MYO3B: variants seen among roughly 807,000 people sequenced by gnomAD.
MYO3B encodes myosin-IIIb.
In MYO3B, 156 loss-of-function variants were observed where a neutral mutation model predicts 174.6. The observed-to-expected ratio is 0.89, with a 90% confidence interval of 0.78 to 1.02. The LOEUF (loss-of-function observed/expected upper bound fraction) is 1.02, where lower values mean the gene tolerates loss of function less well. Among genes scored for constraint, MYO3B ranks in the 50% least tolerant of loss-of-function variants. The pLI, the probability that MYO3B is intolerant of heterozygous loss-of-function variation, is 0.00. For synonymous variants in MYO3B, 563 were observed against 569.1 expected (o/e 0.99, Z 0.15); for missense variants, 1,632 against 1,639.4 (o/e 1.00, Z 0.08).
Position 170,192,641 on chromosome 2 carries a change from A to T in MYO3B, c.3-6567A>T, listed in dbSNP as rs191864790. On this transcript the variant is annotated intron_variant, in intron 1 of 34. Coordinates refer to ENST00000408978, the MANE Select transcript of MYO3B (RefSeq NM_138995.5). ...TTTCTACCTTTTTGAATAGAATATTAAAAAAAATTTCTTTTTAATTATAAT... is the reference window on the plus strand; with the variant it reads ...TTTCTACCTTTTTGAATAGAATATTTAAAAAAATTTCTTTTTAATTATAAT... Among the ~76,000 whole-genome samples, 718 of 148,502 alleles carry T rather than the reference A, an allele frequency of 4.8e-3. 5 individuals carry two copies. The highest frequency in any genetic ancestry group is 0.016 in the African/African-American group (653 of 39,712).
At chr2:170,617,638 C>A (rs999097317) in intron 32 of MYO3B, among the ~76,000 whole-genome samples, 1 of 152,152 alleles carries the variant, frequency 6.6e-6, no homozygotes, top group Non-Finnish European at 1.5e-5. Context: ...GAACAATGAG[C>A]CTTGGCTTTG....
intron 32 of MYO3B, among the ~76,000 whole-genome samples, chr2:170,580,268 A>AT (rs1258875415): frequency 5.9e-5 from 9 of 152,070 alleles, no homozygotes; most frequent in Admixed American, 2.6e-4. Flanking sequence ...TAACAGTATG[A>AT]TTTTTTCTTA....
chr2:170,308,848 A>T (rs1296933387), intron 7 of MYO3B, among the ~76,000 whole-genome samples: 1 of 151,998 alleles, frequency 6.6e-6, no homozygotes, highest in African/African-American at 2.4e-5. Context: ...AGAAGGGGGG[A>T]CACAAATTCA....
chr2:170,593,193 A>G (rs1051448403), intron 32 of MYO3B, among the ~76,000 whole-genome samples: 4 of 151,960 alleles, frequency 2.6e-5, no homozygotes, highest in African/African-American at 9.7e-5. Flanking sequence ...AAATTCCTGA[A>G]CTCAAGCGAT....
intron 32 of MYO3B, among the ~76,000 whole-genome samples, chr2:170,648,620 C>G (rs1402152198): frequency 1.5e-5 from 1 of 65,568 alleles, no homozygotes; most frequent in Admixed American, 1.5e-4. Flanking sequence ...GAGACTCTGT[C>G]TCAAAAAATA....
chr2:170,374,790 C>T (rs970870295), intron 9 of MYO3B, among the ~76,000 whole-genome samples: 6 of 151,846 alleles, frequency 4.0e-5, no homozygotes, highest in Admixed American at 1.3e-4. Flanking sequence ...CACACACACA[C>T]ACACACACAC....
chr2:170,631,058 T>G (rs1168151671), intron 32 of MYO3B, among the ~76,000 whole-genome samples: 2 of 152,196 alleles, frequency 1.3e-5, no homozygotes, highest in Non-Finnish European at 2.9e-5. Flanking sequence ...GAGAATGACT[T>G]TGACGAGTTG....
At chr2:170,556,739 C>T (rs1370640296) in intron 32 of MYO3B, among the ~76,000 whole-genome samples, 2 of 152,204 alleles carry the variant, frequency 1.3e-5, no homozygotes, top group Admixed American at 6.5e-5. Flanking sequence ...CCAGGCTGGT[C>T]TCGAACTCCT....
chr2:170,407,804 G>A lies in MYO3B; in HGVS notation c.2610G>A (p.Lys870=), dbSNP rs1369570278. The change falls in exon 22 of 35, where the codon AAG becomes AAA. Residue 870 remains lysine, a synonymous_variant. Transcript: ENST00000408978. ...TGGTCCTGAGAACGTCAGAAAACAA[G>A]CTTCTTCAGCAGCTCTTCTCAATCC... ...VVVVLRTSEN[K]LLQQLFSIPL... is the part of the protein sequence containing the mutation. 1.9e-6 allele frequency: 3 copies of A among 1,614,068 alleles called. No individual in the cohort carries two copies. In the East Asian group the frequency reaches 6.7e-5, roughly 36 times the overall value.
In MYO3B at chr2:170,214,687, T is replaced by G. The variant is rs761220272; in HGVS notation, c.427-42T>G. 5 of 1,563,426 alleles carry G rather than the reference T, an allele frequency of 3.2e-6. 1 individual carries two copies. In the South Asian group the frequency reaches 4.4e-5, roughly 14 times the overall value. On this transcript the variant is annotated intron_variant, in intron 4 of 34. Coordinates refer to ENST00000408978, the MANE Select transcript of MYO3B (RefSeq NM_138995.5). ...TTAAAATAAGCATGTAAATTTCCCC[T>G]TTCTCTTTCCTGTTGTTTGGTGGTG...
At chr2:170,226,433 G>T (rs1273257006) in intron 6 of MYO3B, among the ~76,000 whole-genome samples, 3 of 152,174 alleles carry the variant, frequency 2.0e-5, no homozygotes, top group African/African-American at 7.2e-5. Context: ...TTGCAGAGTG[G>T]TTCTGTCTTC....
At chr2:170,518,500 T>C (rs1244597375) in intron 29 of MYO3B, among the ~76,000 whole-genome samples, 3 of 152,162 alleles carry the variant, frequency 2.0e-5, no homozygotes, top group Non-Finnish European at 4.4e-5. Context: ...CTAGGGAGCT[T>C]TTAATAATTG....
At chr2:170,470,177 T>C in intron 25 of MYO3B, among the ~76,000 whole-genome samples, 1 of 150,638 alleles carries the variant, frequency 6.6e-6, no homozygotes. Context: ...CACAGAGTTG[T>C]ATAAACATGA....
At chr2:170,314,994 T>C (rs2093764953) in intron 7 of MYO3B, among the ~76,000 whole-genome samples, 1 of 152,242 alleles carries the variant, frequency 6.6e-6, no homozygotes, top group Non-Finnish European at 1.5e-5. Flanking sequence ...ATTAAGTGTA[T>C]GGACTTTGTA....
chr2:170,631,054 G>T (rs921398165), intron 32 of MYO3B, among the ~76,000 whole-genome samples: 1 of 152,216 alleles, frequency 6.6e-6, no homozygotes, highest in East Asian at 1.9e-4. Context: ...GACGGAGAAT[G>T]ACTTTGACGA....
chr2:170,593,470 A>G (rs2106327654), intron 32 of MYO3B, among the ~76,000 whole-genome samples: 1 of 152,280 alleles, frequency 6.6e-6, no homozygotes, highest in South Asian at 2.1e-4. Context: ...AGGTTCATAG[A>G]GTTTACCTAA....
intron 32 of MYO3B, among the ~76,000 whole-genome samples, chr2:170,629,739 A>G (rs1696785078): frequency 6.6e-6 from 1 of 152,136 alleles, no homozygotes; most frequent in African/African-American, 2.4e-5. Context: ...AATCCCAGCT[A>G]CTCACGAGGC....
chr2:170,450,071 AC>A (rs1004920505), intron 23 of MYO3B, among the ~76,000 whole-genome samples: 4 of 152,228 alleles, frequency 2.6e-5, no homozygotes, highest in Non-Finnish European at 4.4e-5. Flanking sequence ...AATTTTGGTT[AC>A]TTCTGTGGCA....
intron 15 of MYO3B, among the ~76,000 whole-genome samples, chr2:170,392,122 CAAAAAA>C (rs35100967): frequency 3.8e-5 from 4 of 106,602 alleles, no homozygotes; most frequent in Non-Finnish European, 5.8e-5. Context: ...GACCCTGTCT[CAAAAAA>C]AAAAAAAAAA....
Sources: allele counts gnomAD v4.1 joint callset (sites outside exome capture counted in the v4.1 genomes callset), GRCh38; gene constraint gnomAD v4.1.1; transcripts MANE v1.5; gene names NCBI Gene and HGNC (gene_info 2026-07-23, HGNC 2026-07-21).